DAPP1: variants seen among roughly 807,000 people sequenced by gnomAD.
DAPP1 encodes dual adapter for phosphotyrosine and 3-phosphotyrosine and 3-phosphoinositide.
Under a neutral mutation model 41.5 loss-of-function variants are expected in DAPP1, and 20 were observed. The ratio of observed to expected loss-of-function variants is 0.48; its 90% CI spans 0.34 to 0.70. DAPP1 has a LOEUF of 0.70. Ranked by LOEUF, DAPP1 falls within the 30% of genes least tolerant of loss-of-function variation. The pLI is 0.01. For missense variants in DAPP1, 233 were observed against 333.4 expected (o/e 0.70, Z 2.35); for synonymous variants, 113 against 116.2 (o/e 0.97, Z 0.18).
At chr4:99,858,880 T>C (rs926002198) in intron 4 of DAPP1, among the ~76,000 whole-genome samples, 1 of 151,716 alleles carries the variant, frequency 6.6e-6, no homozygotes, top group African/African-American at 2.4e-5. Context: ...TCTGTGTTCA[T>C]ATGACCTCAA....
chr4:99,838,398 G>A (rs1438686383), intron 2 of DAPP1, among the ~76,000 whole-genome samples: 1 of 152,134 alleles, frequency 6.6e-6, no homozygotes, highest in Non-Finnish European at 1.5e-5. Flanking sequence ...TTTTAATGAT[G>A]AATATTTGAA....
chr4:99,817,103 C>A, intron 1 of DAPP1, 89 bp downstream of exon 1: 1 of 977,308 alleles, frequency 1.0e-6, no homozygotes, highest in Non-Finnish European at 1.5e-6. Flanking sequence ...TGACTATCTT[C>A]AGTGCCTTGT....
chr4:99,868,176 C>G lies in DAPP1; in HGVS notation c.834C>G (p.Ile278Met). The change falls in exon 9 of 9, where the codon ATC becomes ATG. Residue 278 changes from isoleucine (I) to methionine (M), a missense_variant. Transcript: ENST00000512369. ...GCACGATCCGATCTCGGTCGTTCAT[C>G]TTTAAATAGATCTTTCTTGCCAAGG... The part of the protein sequence containing the change: ...GEGTIRSRSF[I>M]FK 1.2e-6 allele frequency: 2 copies of G among 1,613,826 alleles called. No individual in the cohort carries two copies. The highest frequency in any genetic ancestry group is 8.5e-7 in the Non-Finnish European group (1 of 1,179,770).
intron 7 of DAPP1, 124 bp downstream of exon 7, chr4:99,863,979 T>C: frequency 1.6e-6 from 1 of 639,946 alleles, no homozygotes; most frequent in South Asian, 2.0e-5. Context: ...CATGCCTGCA[T>C]GTAAGGAGTG....
chr4:99,866,843 C>T lies in DAPP1; in HGVS notation c.774+722C>T, dbSNP rs147101965. ...GGAGTGCAGTGGTGTGATCTTGGCTCAGTGCAACTTCTGCCTCTTGAGTTC... is the reference window on the plus strand; with the variant it reads ...GGAGTGCAGTGGTGTGATCTTGGCTTAGTGCAACTTCTGCCTCTTGAGTTC... On this transcript the variant is annotated intron_variant, in intron 8 of 8. Transcript: ENST00000512369. Among the ~76,000 whole-genome samples the T allele has an allele frequency of 2.0e-3, 294 of 144,938 alleles. 3 individuals are homozygous for T. The highest frequency in any genetic ancestry group is 6.9e-3 in the African/African-American group (268 of 38,966).
Position 99,870,038 on chromosome 4 carries a change from T to C in DAPP1, c.*1853T>C, listed in dbSNP as rs1724592247. On this transcript the variant is annotated 3_prime_UTR_variant, in exon 9 of 9. Transcript: ENST00000512369. ...TTTCTTAGAAACAAATGTGTTTCTT[T>C]GGGTGGGTAATATTGTGTTTTACTA... The C allele has an allele frequency of 6.6e-6, 1 of 152,194 alleles. No homozygotes were observed. Among genetic ancestry groups the C allele is most frequent in the South Asian group, 2.1e-4 (1 of 4,838 alleles). The allele number at this position is 152,194 out of a possible 1,614,324, so 9.4% of individuals were successfully genotyped here.
chr4:99,825,779 C>A (rs970409114), intron 1 of DAPP1, among the ~76,000 whole-genome samples: 1 of 152,128 alleles, frequency 6.6e-6, no homozygotes, highest in African/African-American at 2.4e-5. Flanking sequence ...TCTATTTGAA[C>A]AGGGTCCATT....
chr4:99,850,411 A>G (rs1723814475), intron 3 of DAPP1, among the ~76,000 whole-genome samples: 2 of 150,514 alleles, frequency 1.3e-5, no homozygotes, highest in Admixed American at 1.3e-4. Flanking sequence ...CTCCGCCTCA[A>G]AAAAAAAAAA....
Position 99,850,017 on chromosome 4 carries a change from C to G in DAPP1, c.359-3201C>G, listed in dbSNP as rs541012125. Among the ~76,000 whole-genome samples the G allele has an allele frequency of 8.5e-5, 13 of 152,366 alleles. No homozygotes were observed. The South Asian group carries it at 2.7e-3, about 32-fold the overall frequency. ...GGAAAGCAGCCTTGCCAGTTTTAGACTAGTGAGACCCATTTCGAACTTCTG... is the reference window on the plus strand; with the variant it reads ...GGAAAGCAGCCTTGCCAGTTTTAGAGTAGTGAGACCCATTTCGAACTTCTG... On this transcript the variant is annotated intron_variant, in intron 3 of 8. Transcript: ENST00000512369.
At chr4:99,835,419 T>A (rs754256502) in intron 1 of DAPP1, among the ~76,000 whole-genome samples, 2 of 152,166 alleles carry the variant, frequency 1.3e-5, no homozygotes, top group Non-Finnish European at 2.9e-5. Context: ...ATTCAACCCA[T>A]GTCACGCTAC....
intron 1 of DAPP1, among the ~76,000 whole-genome samples, chr4:99,824,077 C>A (rs1722860233): frequency 6.6e-6 from 1 of 152,122 alleles, no homozygotes; most frequent in Non-Finnish European, 1.5e-5. Flanking sequence ...CTGACTTATA[C>A]AAGTTGATTG....
At position 99,868,306 on chromosome 4, in the gene DAPP1, A is replaced by C. The variant is rs1211917669; in HGVS notation, c.*121A>C. 4 of 896,432 alleles carry C rather than the reference A, an allele frequency of 4.5e-6. No homozygotes were observed. The highest frequency in any genetic ancestry group is 5.3e-6 in the Non-Finnish European group (3 of 565,122). 55.5% of individuals were successfully genotyped at this position (896,432 alleles called of 1,614,324 possible). A position where few individuals can be genotyped will look rare whatever the true frequency, so the allele number is the denominator to read the frequency against. On this transcript the variant is annotated 3_prime_UTR_variant, in exon 9 of 9. Transcript: ENST00000512369. ...GGATTTTCTTTCAAAAACAAATCAG[A>C]AGCAGATGCTGATTGGGACCCATAT...
At chr4:99,825,768 C>T (rs1318770917) in intron 1 of DAPP1, among the ~76,000 whole-genome samples, 1 of 152,160 alleles carries the variant, frequency 6.6e-6, no homozygotes, top group Admixed American at 6.5e-5. Flanking sequence ...GCTTGATTCC[C>T]TCTATTTGAA....
chr4:99,824,687 TAA>T (rs1201562244), intron 1 of DAPP1, among the ~76,000 whole-genome samples: 1 of 152,184 alleles, frequency 6.6e-6, no homozygotes, highest in African/African-American at 2.4e-5. Context: ...TTGTGAGGGA[TAA>T]GTTACAAGAG....
chr4:99,839,887 C>T (rs1723436920), intron 2 of DAPP1, among the ~76,000 whole-genome samples: 1 of 152,178 alleles, frequency 6.6e-6, no homozygotes, highest in Non-Finnish European at 1.5e-5. Flanking sequence ...CATGGCAAAA[C>T]CCAGTCTTTA....
chr4:99,832,215 C>A (rs994986910), intron 1 of DAPP1, among the ~76,000 whole-genome samples: 6 of 152,214 alleles, frequency 3.9e-5, no homozygotes, highest in African/African-American at 9.6e-5. Context: ...AGATTTGAAG[C>A]AATGACTGAA....
chr4:99,829,683 A>G (rs1288038527), intron 1 of DAPP1, among the ~76,000 whole-genome samples: 1 of 152,158 alleles, frequency 6.6e-6, no homozygotes, highest in Non-Finnish European at 1.5e-5. Context: ...TACTAATCAC[A>G]TTGAGAAGCT....
At position 99,869,476 on chromosome 4, in the gene DAPP1, G is replaced by T. The variant is rs1007960705; in HGVS notation, c.*1291G>T. The T allele has an allele frequency of 6.6e-5, 10 of 151,990 alleles. No individual in the cohort carries two copies. Among genetic ancestry groups the T allele is most frequent in the African/African-American group, 2.4e-4 (10 of 41,356 alleles). 9.4% of individuals were successfully genotyped at this position (151,990 alleles called of 1,614,324 possible). On this transcript the variant is annotated 3_prime_UTR_variant, in exon 9 of 9. Transcript: ENST00000512369. ...TATAAACTGCTCTTGCAGTCCAAAG[G>T]GATACCTGATTAAAGAAGTTTCTTA...
intron 4 of DAPP1, among the ~76,000 whole-genome samples, chr4:99,860,210 TC>T (rs1724191055): frequency 6.6e-6 from 1 of 152,248 alleles, no homozygotes; most frequent in African/African-American, 2.4e-5. Flanking sequence ...CTCATTGCTT[TC>T]CCATGCAGCC....
Sources: allele counts gnomAD v4.1 joint callset (sites outside exome capture counted in the v4.1 genomes callset), GRCh38; gene constraint gnomAD v4.1.1; transcripts MANE v1.5; gene names NCBI Gene and HGNC (gene_info 2026-07-23, HGNC 2026-07-21).